COL18A1: variants seen among roughly 807,000 people sequenced by gnomAD.
COL18A1 encodes the protein collagen alpha-1(XVIII) chain.
Under a neutral mutation model 168.0 loss-of-function variants are expected in COL18A1, and 133 were observed. The ratio of observed to expected loss-of-function variants is 0.79; its 90% CI spans 0.69 to 0.91. The LOEUF is 0.91. COL18A1 is among the 40% of genes least tolerant of loss of function. The probability of loss-of-function intolerance (pLI) is 0.00; values close to 1 mark genes in which losing one functional copy is unlikely to be tolerated. For missense variants in COL18A1, 2,126 were observed against 1,925.4 expected, an observed-to-expected ratio of 1.10 and a Z score of -1.95; for synonymous variants, 949 against 809.0, an observed-to-expected ratio of 1.17 and a Z score of -2.94.
chr21:45,462,452 T>A (rs1210196072), intron 2 of COL18A1, among the ~76,000 whole-genome samples: 1 of 152,178 alleles, frequency 6.6e-6, no homozygotes, highest in African/African-American at 2.4e-5. Context: ...TCACCTTTCT[T>A]TCATCTTTTG....
intron 29 of COL18A1, 148 bp from the exon 30 acceptor site, chr21:45,496,352 G>A (rs556183936): frequency 5.5e-5 from 40 of 733,156 alleles, no homozygotes; most frequent in Admixed American, 7.7e-5. Context: ...GCCGTGGCCC[G>A]AGTGACCCAC....
At chr21:45,433,057 T>C (rs2034005859) in intron 2 of COL18A1, among the ~76,000 whole-genome samples, 1 of 152,220 alleles carries the variant, frequency 6.6e-6, no homozygotes, top group Admixed American at 6.5e-5. Context: ...CAGATGTTAA[T>C]CCTCTTCGAA....
At chr21:45,438,774 C>A (rs1462534245) in intron 2 of COL18A1, among the ~76,000 whole-genome samples, 3 of 152,260 alleles carry the variant, frequency 2.0e-5, no homozygotes. Context: ...CTAATCCTTG[C>A]AGGCAGAGTG....
Position 45,468,444 on chromosome 21 carries a change from G to A in COL18A1, c.309G>A (p.Glu103=), listed in dbSNP as rs2035296028. ...SLLFHIRPAT[E]GPGVLFAITD... ...TGTTCCACATCCGGCCAGCCACAGA[G>A]GGCCCAGGGGTGCTGTTCGCCATCA... Residue 103 remains glutamate (E), a synonymous_variant, in exon 3 of 42, where the codon GAG becomes GAA. Coordinates refer to ENST00000651438, the MANE Select transcript of COL18A1 (RefSeq NM_001379500.1). 1 of 1,614,094 alleles carries A rather than the reference G, an allele frequency of 6.2e-7. No individual in the cohort carries two copies. Among genetic ancestry groups the A allele is most frequent in the South Asian group, 1.1e-5 (1 of 91,088 alleles).
intron 15 of COL18A1, among the ~76,000 whole-genome samples, chr21:45,483,863 C>CAT (rs1189528419): frequency 6.6e-6 from 1 of 151,912 alleles, no homozygotes; most frequent in African/African-American, 2.4e-5. Context: ...TGCATGTGCA[C>CAT]ATACACACAC....
chr21:45,484,140 TAC>T (rs144630058), intron 15 of COL18A1, among the ~76,000 whole-genome samples: 32 of 85,690 alleles, frequency 3.7e-4, no homozygotes, highest in Admixed American at 3.2e-3. Context: ...CCAGCGTATG[TAC>T]ACACACACCT....
intron 41 of COL18A1, among the ~76,000 whole-genome samples, chr21:45,511,771 G>T (rs1171087764): frequency 1.1e-4 from 17 of 152,226 alleles, no homozygotes; most frequent in Admixed American, 1.1e-3. Flanking sequence ...TGCTGTAACG[G>T]AGATGCACCT....
At chr21:45,465,265 C>T (rs77560459) in intron 2 of COL18A1, among the ~76,000 whole-genome samples, 4,446 of 152,242 alleles carry the variant, frequency 0.029, 232 homozygotes, top group African/African-American at 0.1. Context: ...CTGTGCCTGG[C>T]GTGGGTTTTG....
At chr21:45,495,159 A>G (rs1261931294) in intron 28 of COL18A1, 199 bp from the exon 29 acceptor site, 8 of 656,064 alleles carry the variant, frequency 1.2e-5, no homozygotes, top group Non-Finnish European at 2.2e-5. Flanking sequence ...TGTGTGTGCT[A>G]GGCTCAGTCA....
intron 29 of COL18A1, 129 bp downstream of exon 29, chr21:45,495,561 A>T (rs1212121133): frequency 5.2e-6 from 4 of 764,600 alleles, no homozygotes; most frequent in Non-Finnish European, 9.2e-6. Context: ...GTGGCCACAC[A>T]GCACTGGTCA....
chr21:45,500,175 T>G, intron 32 of COL18A1, among the ~76,000 whole-genome samples: 1 of 113,134 alleles, frequency 8.8e-6, no homozygotes, highest in Non-Finnish European at 1.8e-5. Flanking sequence ...AGTGTGGGGG[T>G]GTATAGTGTG....
chr21:45,409,118 C>T (rs962755776), intron 2 of COL18A1, among the ~76,000 whole-genome samples: 1 of 152,184 alleles, frequency 6.6e-6, no homozygotes, highest in Non-Finnish European at 1.5e-5. Flanking sequence ...GAGAAGGGGC[C>T]ACCCCAGTGC....
chr21:45,405,711 G>A (rs887153178), intron 2 of COL18A1, among the ~76,000 whole-genome samples: 9 of 150,780 alleles, frequency 6.0e-5, no homozygotes, highest in Admixed American at 3.3e-4. Flanking sequence ...GCGAGCGGCC[G>A]GAGTCCCCGC....
chr21:45,430,838 G>A (rs73384975), intron 2 of COL18A1, among the ~76,000 whole-genome samples: 3,237 of 152,300 alleles, frequency 0.021, 123 homozygotes, highest in African/African-American at 0.074. Flanking sequence ...GGATCACGAG[G>A]CTCTGCCGGC....
chr21:45,429,717 T>A (rs1323627015), intron 2 of COL18A1, among the ~76,000 whole-genome samples: 1 of 152,150 alleles, frequency 6.6e-6, no homozygotes, highest in African/African-American at 2.4e-5. Flanking sequence ...CCTGTCAGCA[T>A]CCTCTCCAGG....
intron 9 of COL18A1, 61 bp downstream of exon 9, chr21:45,478,414 C>G (rs1339691725): frequency 1.2e-6 from 2 of 1,610,552 alleles, no homozygotes; most frequent in African/African-American, 2.7e-5. Flanking sequence ...GACCCCAGGG[C>G]TTTGTTGCCA....
Position 45,455,537 on chromosome 21 carries a change from C to T in COL18A1, c.107-12705C>T. ...CTCCAGCCGCACTGCCCCGATGGCTCCCTACCCCTGTGGCTGCCACATCCT... is the reference window on the plus strand; with the variant it reads ...CTCCAGCCGCACTGCCCCGATGGCTTCCTACCCCTGTGGCTGCCACATCCT... On this transcript the variant is annotated intron_variant, in intron 2 of 41. Coordinates refer to ENST00000651438, the MANE Select transcript of COL18A1 (RefSeq NM_001379500.1). The T allele has an allele frequency of 6.2e-7, 1 of 1,613,170 alleles. No individual in the cohort carries two copies. The highest frequency in any genetic ancestry group is 8.5e-7 in the Non-Finnish European group (1 of 1,179,858).
chr21:45,485,149 A>ATTTTTTTTTTTTTTTTTT (rs751718038), intron 15 of COL18A1, among the ~76,000 whole-genome samples: 3 of 55,084 alleles, frequency 5.4e-5, no homozygotes, highest in Admixed American at 2.6e-4. Context: ...CACCTGGCTA[A>ATTTTTTTTTTTTTTTTTT]TTTTTTTTTT....
At chr21:45,500,064 G>T (rs1317506841) in intron 32 of COL18A1, among the ~76,000 whole-genome samples, 2 of 148,688 alleles carry the variant, frequency 1.3e-5, no homozygotes, top group Non-Finnish European at 3.0e-5. Flanking sequence ...CCAGAGGCTG[G>T]TGTGGGTTTG....
Sources: allele counts gnomAD v4.1 joint callset (sites outside exome capture counted in the v4.1 genomes callset), GRCh38; gene constraint gnomAD v4.1.1; transcripts MANE v1.5; gene names NCBI Gene and HGNC (gene_info 2026-07-23, HGNC 2026-07-21).